Variants in CNTN3 observed in about 807,000 individuals in gnomAD.
CNTN3 encodes the protein contactin 3.
In CNTN3, 60 loss-of-function variants were observed where a neutral mutation model predicts 119.1. That is an observed-to-expected ratio of 0.50 (90% CI 0.41 to 0.62). CNTN3 has a LOEUF of 0.62. Ranked by LOEUF, CNTN3 falls within the 20% of genes least tolerant of loss-of-function variation. The pLI is 0.00. For missense variants in CNTN3, 1,101 were observed against 1,242.4 expected (o/e 0.89, Z 1.71); for synonymous variants, 450 against 438.7 (o/e 1.03, Z -0.32).
chr3:74,504,698 T>C (rs1447454505), intron 2 of CNTN3, among the ~76,000 whole-genome samples: 1 of 152,124 alleles, frequency 6.6e-6, no homozygotes, highest in African/African-American at 2.4e-5. Context: ...TCAATAGCTA[T>C]CACCGGCCCT....
chr3:74,450,502 G>GGTTTT (rs759833089), intron 4 of CNTN3, among the ~76,000 whole-genome samples: 1 of 128,262 alleles, frequency 7.8e-6, no homozygotes, highest in Non-Finnish European at 1.6e-5. Flanking sequence ...CTGAAGCCCT[G>GGTTTT]TTTTTTTTTT....
At chr3:74,483,175 T>C (rs1320164968) in intron 4 of CNTN3, among the ~76,000 whole-genome samples, 1 of 151,926 alleles carries the variant, frequency 6.6e-6, no homozygotes, top group Non-Finnish European at 1.5e-5. Flanking sequence ...AATGTCAATA[T>C]ATAGGGAATA....
intron 2 of CNTN3, among the ~76,000 whole-genome samples, chr3:74,515,040 G>C (rs905679683): frequency 1.3e-5 from 2 of 152,010 alleles, no homozygotes; most frequent in African/African-American, 4.8e-5. Context: ...TGAATTTCTG[G>C]ATGTGGGGAG....
chr3:74,426,267 T>C (rs925218004), intron 4 of CNTN3, among the ~76,000 whole-genome samples: 3 of 152,206 alleles, frequency 2.0e-5, no homozygotes, highest in Non-Finnish European at 4.4e-5. Flanking sequence ...TGTCACTTTC[T>C]GTATCAGAAC....
chr3:74,292,144 C>A (rs545027476), intron 19 of CNTN3, among the ~76,000 whole-genome samples: 1 of 152,246 alleles, frequency 6.6e-6, no homozygotes, highest in African/African-American at 2.4e-5. Flanking sequence ...TTGGCATAAT[C>A]CCTTGAGTTA....
chr3:74,467,590 G>A (rs1022990526), intron 4 of CNTN3, among the ~76,000 whole-genome samples: 9 of 147,548 alleles, frequency 6.1e-5, no homozygotes, highest in African/African-American at 2.3e-4. Context: ...TAAAAATTAT[G>A]GTACATGATA....
intron 1 of CNTN3, among the ~76,000 whole-genome samples, chr3:74,544,805 AG>A (rs1253425520): frequency 6.6e-6 from 1 of 152,084 alleles, no homozygotes. Context: ...TCACCATGTT[AG>A]CCAGGATGGT....
intron 2 of CNTN3, among the ~76,000 whole-genome samples, chr3:74,515,003 A>G (rs1034028009): frequency 6.6e-6 from 1 of 152,044 alleles, no homozygotes; most frequent in Non-Finnish European, 1.5e-5. Context: ...GGTCCTTAGA[A>G]ATGAATATTT....
chr3:74,576,784 G>GC (rs1443500666), intron 1 of CNTN3, among the ~76,000 whole-genome samples: 1 of 151,598 alleles, frequency 6.6e-6, no homozygotes, highest in Non-Finnish European at 1.5e-5. Context: ...CCTACATACT[G>GC]TTTTTTTACT....
intron 1 of CNTN3, among the ~76,000 whole-genome samples, chr3:74,540,585 T>G (rs144327806): frequency 6.1e-4 from 93 of 152,288 alleles, no homozygotes; most frequent in African/African-American, 2.2e-3. Flanking sequence ...GGGTAAGTAC[T>G]ACTGGTATAC....
intron 20 of CNTN3, among the ~76,000 whole-genome samples, chr3:74,284,644 A>G (rs1199365919): frequency 6.6e-6 from 1 of 152,238 alleles, no homozygotes; most frequent in Non-Finnish European, 1.5e-5. Context: ...AATGTATACT[A>G]TGCTATTAGA....
At chr3:74,449,738 A>G (rs1393363887) in intron 4 of CNTN3, among the ~76,000 whole-genome samples, 1 of 152,132 alleles carries the variant, frequency 6.6e-6, no homozygotes, top group Non-Finnish European at 1.5e-5. Flanking sequence ...CCAGACATTT[A>G]CCAAAAGCCA....
In CNTN3 at chr3:74,420,853, C is replaced by G. The variant is rs1273275599; in HGVS notation, c.454+3992G>C. Among the ~76,000 whole-genome samples the G allele has an allele frequency of 3.3e-5, 5 of 152,234 alleles. No homozygotes were observed. In the East Asian group the frequency reaches 9.7e-4, roughly 30 times the overall value. ...TCTCTGAGGCACACTTTGCAAACTC[C>G]CGAAGTGTAGCCCTAAATAAAAGCT... is the stretch of plus-strand genomic sequence containing the variant. On this transcript the variant is annotated intron_variant, in intron 5 of 22. Coordinates refer to ENST00000263665, the MANE Select transcript of CNTN3 (RefSeq NM_020872.3).
intron 1 of CNTN3, among the ~76,000 whole-genome samples, chr3:74,586,732 C>G: frequency 6.6e-6 from 1 of 151,974 alleles, no homozygotes; most frequent in Non-Finnish European, 1.5e-5. Context: ...GTAATAACTA[C>G]TATTAGTTAG....
intron 18 of CNTN3, among the ~76,000 whole-genome samples, chr3:74,297,540 A>G (rs1702365646): frequency 6.6e-6 from 1 of 152,214 alleles, no homozygotes; most frequent in South Asian, 2.1e-4. Flanking sequence ...TAGGAGGCTA[A>G]TCAATTAGGT....
At chr3:74,339,663 C>A (rs1044971014) in intron 11 of CNTN3, among the ~76,000 whole-genome samples, 1 of 152,082 alleles carries the variant, frequency 6.6e-6, no homozygotes, top group African/African-American at 2.4e-5. Context: ...TCACTCACCA[C>A]TAAATTTTTA....
At chr3:74,569,317 G>A (rs993280739) in intron 1 of CNTN3, among the ~76,000 whole-genome samples, 1 of 152,156 alleles carries the variant, frequency 6.6e-6, no homozygotes, top group African/African-American at 2.4e-5. Context: ...ATTGGTGTGG[G>A]AGGATGAAAG....
intron 4 of CNTN3, among the ~76,000 whole-genome samples, chr3:74,427,020 G>A (rs536069617): frequency 4.4e-4 from 67 of 152,196 alleles, no homozygotes; most frequent in Non-Finnish European, 6.0e-4. Context: ...ATAGTTCTAC[G>A]GAAACCAGTA....
At position 74,521,118 on chromosome 3, in the gene CNTN3, A is replaced by G. The variant is rs1314131455; in HGVS notation, c.-6T>C. 1.9e-6 allele frequency: 3 copies of G among 1,591,170 alleles called. No individual in the cohort carries two copies. The African/African-American group carries it at 4.1e-5, about 22-fold the overall frequency. ...TGTTTCCATGGAAACATCATCTTTA[A>G]TTGCCAAATGCAAGAGTAACTCTTG... On this transcript the variant is annotated 5_prime_UTR_variant, in exon 2 of 23. Coordinates refer to ENST00000263665, the MANE Select transcript of CNTN3 (RefSeq NM_020872.3).
Sources: gnomAD v4.1 joint callset for allele counts (sites outside exome capture counted in the v4.1 genomes callset) on GRCh38, gnomAD v4.1.1 for gene constraint, MANE v1.5 for transcripts, NCBI Gene and HGNC (gene_info 2026-07-23, HGNC 2026-07-21) for gene names.